The following DNM1 variants were observed in gnomAD, a reference collection of about 807,000 sequenced individuals.
DNM1 encodes the protein dynamin-1.
A neutral mutation model predicts 104.6 loss-of-function variants in DNM1; 29 were observed. The observed-to-expected ratio is 0.28, with a 90% CI of 0.21 to 0.38. DNM1 has a LOEUF of 0.38. DNM1 is among the 10% of genes least tolerant of loss of function. The pLI is 1.00. For synonymous variants in DNM1, 445 were observed against 475.8 expected (o/e 0.94, Z 0.84); for missense variants, 640 against 1,189.4 (o/e 0.54, Z 6.79).
At chr9:128,235,876 G>A (rs1835981778) in intron 11 of DNM1, among the ~76,000 whole-genome samples, 2 of 152,052 alleles carry the variant, frequency 1.3e-5, no homozygotes, top group Non-Finnish European at 2.9e-5. Context: ...CACTACGCCT[G>A]GCTAATTTTA....
chr9:128,220,885 T>TCTTTCTTTCTTTC lies in DNM1; in HGVS notation c.849+544_849+545insCTTTCTTTCTTTC, dbSNP rs1834933458. Among the ~76,000 whole-genome samples the TCTTTCTTTCTTTC allele has an allele frequency of 8.5e-6, 1 of 117,526 alleles. No individual in the cohort carries two copies. The highest frequency in any genetic ancestry group is 1.8e-5 in the Non-Finnish European group (1 of 56,702). 77.1% of individuals were successfully genotyped at this position (117,526 alleles called of 152,430 possible). On this transcript the variant is annotated intron_variant, in intron 6 of 21. Coordinates refer to ENST00000372923, the MANE Select transcript of DNM1 (RefSeq NM_004408.4). The surrounding 1 kb of genome is among the most constrained non-coding windows in gnomAD (Gnocchi z 5.2). ...CCTCTATTTCTTTTTTCTTTATTTG[T>TCTTTCTTTCTTTC]TTTCTTTCTTTCTTTCTTTCTTTCT...
intron 10 of DNM1, chr9:128,226,116 G>T: frequency 6.2e-7 from 1 of 1,612,880 alleles, no homozygotes; most frequent in Non-Finnish European, 8.5e-7. Flanking sequence ...CCAGTATCAA[G>T]TGTGTGGATA....
At chr9:128,252,746 C>G (rs1829603603) in intron 21 of DNM1, 2 of 564,448 alleles carry the variant, frequency 3.5e-6, no homozygotes, top group Admixed American at 4.4e-5. Flanking sequence ...GGGTGATCCT[C>G]TAAGCACACC....
At chr9:128,215,377 A>G (rs1187423590) in intron 1 of DNM1, among the ~76,000 whole-genome samples, 1 of 152,236 alleles carries the variant, frequency 6.6e-6, no homozygotes, top group Non-Finnish European at 1.5e-5. Context: ...CCTGAGGAGC[A>G]TGCGTCTGGA....
rs376047413 is a variant in DNM1, at chr9:128,222,992, A to G, written c.1196+132A>G. ...CTGTTCCCCAGTCCTCTCGACCCCA[A>G]CTTTCTGGCTCCCTGCATGACAGGC... On this transcript the variant is annotated intron_variant, in intron 9 of 21. Coordinates refer to ENST00000372923, the MANE Select transcript of DNM1 (RefSeq NM_004408.4). The surrounding 1 kb of genome is among the most constrained non-coding windows in gnomAD (Gnocchi z 7.8). The G allele has an allele frequency of 1.9e-5, 17 of 877,530 alleles. No homozygotes were observed. The highest frequency in any genetic ancestry group is 1.2e-4 in the African/African-American group (7 of 59,972). 54.4% of individuals were successfully genotyped at this position (877,530 alleles called of 1,614,324 possible).
At position 128,253,688 on chromosome 9, in the gene DNM1, C is replaced by T. The variant is rs1233723377; in HGVS notation, c.2535-966C>T. ...CTATCTGCCGGCAATCCAGTGGTGA[C>T]CTAGGGTAAAAGCTTGAGAGTCCCA... On this transcript the variant is annotated intron_variant, in intron 21 of 21. Coordinates refer to ENST00000372923, the MANE Select transcript of DNM1 (RefSeq NM_004408.4). This position sits in a 1 kb window ranked among gnomAD's most constrained non-coding sequence, Gnocchi z 5.9. 1 of 253,836 alleles carries T rather than the reference C, an allele frequency of 3.9e-6. No individual in the cohort carries two copies. Among genetic ancestry groups the T allele is most frequent in the East Asian group, 7.5e-5 (1 of 13,272 alleles). 15.7% of individuals were successfully genotyped at this position (253,836 alleles called of 1,614,324 possible).
intron 10 of DNM1, among the ~76,000 whole-genome samples, chr9:128,226,655 T>C (rs1299954130): frequency 6.6e-6 from 1 of 152,222 alleles, no homozygotes; most frequent in Admixed American, 6.5e-5. Context: ...GGAGCTGTCC[T>C]AGTTCCTCAA....
In DNM1 at chr9:128,254,382, G is replaced by A. The variant is rs1388314545; in HGVS notation, c.2535-272G>A. ...ATTGCGGGTGCCCTGCCTGGGTGCC[G>A]TGTGAGAGGCCAGCGTGTGTGGGGT... On this transcript the variant is annotated intron_variant, in intron 21 of 21. Transcript: ENST00000372923. The surrounding 1 kb of genome is among the most constrained non-coding windows in gnomAD (Gnocchi z 6.1). 45 of 1,407,518 alleles carry A rather than the reference G, an allele frequency of 3.2e-5. No homozygotes were observed. Among genetic ancestry groups the A allele is most frequent in the East Asian group, 1.1e-4 (4 of 36,310 alleles). The allele number at this position is 1,407,518 out of a possible 1,614,324, so 87.2% of individuals were successfully genotyped here. A position where few individuals can be genotyped will look rare whatever the true frequency, so the allele number is the denominator to read the frequency against.
chr9:128,209,385 C>A (rs1034799848), intron 1 of DNM1, among the ~76,000 whole-genome samples: 1 of 152,074 alleles, frequency 6.6e-6, no homozygotes, highest in Admixed American at 6.5e-5. Context: ...GAAGGGGGTG[C>A]AGGTGGGAGA....
chr9:128,223,354 G>T, intron 9 of DNM1: 1 of 158,502 alleles, frequency 6.3e-6, no homozygotes, highest in Non-Finnish European at 1.4e-5. Context: ...GTAGGAAACA[G>T]GATTGGGAGG....
Position 128,222,440 on chromosome 9 carries a change from G to A in DNM1, c.993-21G>A. 6.2e-7 allele frequency: 1 copy of A among 1,613,812 alleles called. No homozygotes were observed. The highest frequency in any genetic ancestry group is 8.5e-7 in the Non-Finnish European group (1 of 1,179,802). On this transcript the variant is annotated intron_variant, in intron 7 of 21. Coordinates refer to ENST00000372923, the MANE Select transcript of DNM1 (RefSeq NM_004408.4). The surrounding 1 kb of genome is among the most constrained non-coding windows in gnomAD (Gnocchi z 7.8). ...TGCTGGGCTGCTCCTGCCCCCTCAG[G>A]CCACACCACTCTCCCACCAGGATGG...
At chr9:128,213,955 A>G (rs748330239) in intron 1 of DNM1, among the ~76,000 whole-genome samples, 1 of 151,986 alleles carries the variant, frequency 6.6e-6, no homozygotes. Flanking sequence ...ACAGAGAGCG[A>G]CTTGTTGCCT....
intron 1 of DNM1, among the ~76,000 whole-genome samples, chr9:128,214,120 C>T (rs1223864000): frequency 6.6e-6 from 1 of 152,146 alleles, no homozygotes; most frequent in Non-Finnish European, 1.5e-5. Flanking sequence ...CCCTCACCCC[C>T]AAGCTCACTG....
At chr9:128,221,642 T>A (rs144901741) in intron 6 of DNM1, among the ~76,000 whole-genome samples, 25,404 of 152,114 alleles carry the variant, frequency 0.17, 2,395 homozygotes, top group East Asian at 0.34. Context: ...ATGCCTGTAA[T>A]CCCACCACTT....
At chr9:128,223,059 A>C (rs1835117391) in intron 9 of DNM1, 199 bp downstream of exon 9, 3 of 596,094 alleles carry the variant, frequency 5.0e-6, no homozygotes, top group Admixed American at 6.1e-5. Context: ...CGCCTACTGC[A>C]ACTTGCTGGG....
chr9:128,218,187 C>G lies in DNM1; in HGVS notation c.162-44C>G. 6.3e-7 allele frequency: 1 copy of G among 1,593,108 alleles called. No individual in the cohort carries two copies. Among genetic ancestry groups the G allele is most frequent in the East Asian group, 2.2e-5 (1 of 44,768 alleles). Reference sequence around the variant, plus strand: ...ACAGGTACCCCTGGGACAGAGGGCGCCCCCTCATATCTTGACCCTCCTTTG... The same window carrying G: ...ACAGGTACCCCTGGGACAGAGGGCGGCCCCTCATATCTTGACCCTCCTTTG... On this transcript the variant is annotated intron_variant, in intron 1 of 21. Coordinates refer to ENST00000372923, the MANE Select transcript of DNM1 (RefSeq NM_004408.4). The surrounding 1 kb of genome is among the most constrained non-coding windows in gnomAD (Gnocchi z 4.8).
chr9:128,226,564 C>T (rs1000707046), intron 10 of DNM1, among the ~76,000 whole-genome samples: 1 of 152,154 alleles, frequency 6.6e-6, no homozygotes, highest in Non-Finnish European at 1.5e-5. Flanking sequence ...AAAACAGAGT[C>T]TCAGAAAAGA....
At position 128,203,925 on chromosome 9, in the gene DNM1, A is replaced by C; in HGVS notation, c.161+294A>C. Reference sequence around the variant, plus strand: ...ACGCTCTGCCAGAAGCCCCGGGCAAAGAGCTGCCCCCCGCCCCCAACATGG... The same window carrying C: ...ACGCTCTGCCAGAAGCCCCGGGCAACGAGCTGCCCCCCGCCCCCAACATGG... On this transcript the variant is annotated intron_variant, in intron 1 of 21. Transcript: ENST00000372923. The surrounding 1 kb of genome is among the most constrained non-coding windows in gnomAD (Gnocchi z 5.3). 1 of 196,258 alleles carries C rather than the reference A, an allele frequency of 5.1e-6. No homozygotes were observed. Among genetic ancestry groups the C allele is most frequent in the Non-Finnish European group, 1.0e-5 (1 of 97,546 alleles). The allele number at this position is 196,258 out of a possible 1,614,324, so 12.2% of individuals were successfully genotyped here. A position where few individuals can be genotyped will look rare whatever the true frequency, so the allele number is the denominator to read the frequency against.
chr9:128,248,776 G>A lies in DNM1; in HGVS notation c.2076+23G>A, dbSNP rs763076957. The A allele has an allele frequency of 1.9e-6, 3 of 1,602,492 alleles. No homozygotes were observed. Among genetic ancestry groups the A allele is most frequent in the Middle Eastern group, 3.3e-4 (2 of 6,020 alleles). ...AATGTGCGTGCTCCACTGCATGGGGGCAGGGAAATCCTGTGGCACTGGGGA... is the reference window on the plus strand; with the variant it reads ...AATGTGCGTGCTCCACTGCATGGGGACAGGGAAATCCTGTGGCACTGGGGA... On this transcript the variant is annotated intron_variant, in intron 19 of 21. Transcript: ENST00000372923. This position sits in a 1 kb window ranked among gnomAD's most constrained non-coding sequence, Gnocchi z 5.6.
Sources: allele counts gnomAD v4.1 joint callset (sites outside exome capture counted in the v4.1 genomes callset), GRCh38; gene constraint gnomAD v4.1.1; non-coding constraint Gnocchi (gnomAD v3.1); transcripts MANE v1.5; gene names NCBI Gene and HGNC (gene_info 2026-07-23, HGNC 2026-07-21).